The following NFX1 variants were observed in gnomAD, a reference collection of about 807,000 sequenced individuals.
NFX1 encodes transcriptional repressor NF-X1.
NFX1 carries 69 observed loss-of-function variants against 137.2 expected under a neutral mutation model. That is an observed-to-expected ratio of 0.50 (90% CI 0.41 to 0.61). The LOEUF is 0.61. NFX1 is among the 20% of genes least tolerant of loss of function. The pLI is 0.00. For missense variants in NFX1, 1,167 were observed against 1,391.0 expected, an observed-to-expected ratio of 0.84 and a Z score of 2.56; for synonymous variants, 495 against 474.1, an observed-to-expected ratio of 1.04 and a Z score of -0.57.
At chr9:33,359,980 G>A (rs1173077989) in intron 19 of NFX1, among the ~76,000 whole-genome samples, 1 of 152,154 alleles carries the variant, frequency 6.6e-6, no homozygotes, top group Non-Finnish European at 1.5e-5. Context: ...TGTGTAGAAG[G>A]TAATATGATG....
At chr9:33,367,723 C>T (rs540209370) in intron 23 of NFX1, 104 bp downstream of exon 23, 68 of 1,069,126 alleles carry the variant, frequency 6.4e-5, no homozygotes, top group South Asian at 4.5e-4. Context: ...CTCCTCAGGC[C>T]TGGCCTTGGG....
chr9:33,331,327 G>A (rs1472074104), intron 10 of NFX1, among the ~76,000 whole-genome samples: 2 of 152,160 alleles, frequency 1.3e-5, no homozygotes, highest in Non-Finnish European at 2.9e-5. Flanking sequence ...TTCAAAGGTT[G>A]TTTTCATTTC....
chr9:33,295,161 G>A lies in NFX1; in HGVS notation c.767G>A (p.Arg256Gln), dbSNP rs768041373. ...TGGGAAGTGGAGGGGGCCAGGCCAC[G>A]ACCAGGCAGAAATCCACCAAAACAG... ...PPWEVEGARP[R>Q]PGRNPPKQEG... Residue 256 changes from arginine (R) to glutamine (Q), a missense_variant, in exon 2 of 24, where the codon CGA (arginine) becomes CAA (glutamine). Physicochemically the swap from Arg to Gln is conservative, Grantham distance 43. Transcript: ENST00000379540. 75 of 1,613,936 alleles carry A rather than the reference G, an allele frequency of 4.6e-5. No individual in the cohort carries two copies. Among genetic ancestry groups the A allele is most frequent in the Non-Finnish European group, 6.1e-5 (72 of 1,180,004 alleles).
chr9:33,312,567 A>G (rs1017139698), intron 6 of NFX1, among the ~76,000 whole-genome samples: 9 of 152,356 alleles, frequency 5.9e-5, no homozygotes, highest in Middle Eastern at 3.4e-3. Context: ...CTTGAAGACA[A>G]TTGTCTAAAA....
At chr9:33,366,517 C>A in intron 21 of NFX1, 112 bp from the exon 22 acceptor site, 2 of 1,282,268 alleles carry the variant, frequency 1.6e-6, no homozygotes, top group Non-Finnish European at 2.2e-6. Flanking sequence ...ATGCTGTGGG[C>A]CTCTAAAATC....
intron 4 of NFX1, among the ~76,000 whole-genome samples, chr9:33,304,638 G>A (rs1204546252): frequency 3.9e-5 from 6 of 152,058 alleles, no homozygotes; most frequent in South Asian, 2.1e-4. Context: ...CTCTTACAAA[G>A]GAAGCTTTCC....
chr9:33,295,443 T>C lies in NFX1; in HGVS notation c.1033+16T>C, dbSNP rs763036759. ...ACGCACACAGGTAAACCTACCTAGA[T>C]AGGAAATATTTTGTTGTCTTTTTAA... On this transcript the variant is annotated intron_variant, in intron 2 of 23. Coordinates refer to ENST00000379540, the MANE Select transcript of NFX1 (RefSeq NM_002504.6). 1.9e-6 allele frequency: 3 copies of C among 1,581,732 alleles called. No homozygotes were observed. The highest frequency in any genetic ancestry group is 2.3e-5 in the East Asian group (1 of 44,406).
intron 9 of NFX1, among the ~76,000 whole-genome samples, chr9:33,326,836 G>A (rs1462849493): frequency 6.6e-6 from 1 of 152,130 alleles, no homozygotes; most frequent in Admixed American, 6.6e-5. Flanking sequence ...ATATAGATGT[G>A]ATATGTATAA....
intron 17 of NFX1, 106 bp downstream of exon 17, chr9:33,352,825 A>AAAT: frequency 1.4e-6 from 1 of 702,534 alleles, no homozygotes; most frequent in Non-Finnish European, 2.3e-6. Context: ...AGTGGAGAAG[A>AAAT]AACGAAGTCT....
At chr9:33,293,021 A>G (rs1821218500) in intron 1 of NFX1, among the ~76,000 whole-genome samples, 1 of 152,230 alleles carries the variant, frequency 6.6e-6, no homozygotes, top group Non-Finnish European at 1.5e-5. Context: ...GAAAGCTTTC[A>G]GGACAAATCC....
intron 11 of NFX1, among the ~76,000 whole-genome samples, chr9:33,333,380 C>T (rs974110403): frequency 6.6e-6 from 1 of 152,010 alleles, no homozygotes; most frequent in South Asian, 2.1e-4. Context: ...AGAACAAGTC[C>T]GAGATTGGTT....
intron 19 of NFX1, among the ~76,000 whole-genome samples, chr9:33,355,265 C>T (rs925239024): frequency 1.3e-5 from 2 of 152,160 alleles, no homozygotes; most frequent in African/African-American, 2.4e-5. Context: ...ATCAGTGAAT[C>T]GTCACTAAAT....
Position 33,364,101 on chromosome 9 carries a change from G to T in NFX1, c.2965G>T (p.Asp989Tyr), listed in dbSNP as rs1199852343. ...GSKFSDSLKE[D>Y]ARKDLKFVSD... ...AAAATTCAGTGATAGTTTGAAAGAA[G>T]ATGCCAGGTATGTAACTTGTTACCT... Residue 989 changes from aspartate (D) to tyrosine (Y), a missense_variant, in exon 20 of 24, where the codon GAT (aspartate) becomes TAT (tyrosine). By Grantham distance (160) the Asp-to-Tyr change is radical (BLOSUM62 -3). Around this residue, in one of 3 missense-constraint regions of NFX1, gnomAD observed 312 missense variants for 312.8 expected, o/e 1.00. Coordinates refer to ENST00000379540, the MANE Select transcript of NFX1 (RefSeq NM_002504.6). 6.2e-7 allele frequency: 1 copy of T among 1,602,494 alleles called. No homozygotes were observed. Among genetic ancestry groups the T allele is most frequent in the East Asian group, 2.3e-5 (1 of 44,364 alleles).
Position 33,349,102 on chromosome 9 carries a change from G to C in NFX1, c.2424+1985G>C, listed in dbSNP as rs144003788. On this transcript the variant is annotated intron_variant, in intron 15 of 23. Coordinates refer to ENST00000379540, the MANE Select transcript of NFX1 (RefSeq NM_002504.6). The stretch of plus-strand genomic sequence containing the variant: ...AGTTTATCCATTCTAAAACATCAAT[G>C]TGTTATCTTCGTACTGATGGCTTAT... Among the ~76,000 whole-genome samples, 10 of 152,190 alleles carry C rather than the reference G, an allele frequency of 6.6e-5. No individual in the cohort carries two copies. In the East Asian group the frequency reaches 1.9e-3, roughly 29 times the overall value.
intron 11 of NFX1, among the ~76,000 whole-genome samples, chr9:33,335,634 C>T (rs993291973): frequency 2.0e-5 from 3 of 152,138 alleles, no homozygotes; most frequent in Admixed American, 6.5e-5. Context: ...CCATGTTGGC[C>T]TCCCAAAGTG....
At chr9:33,298,119 A>G (rs1821423846) in intron 2 of NFX1, among the ~76,000 whole-genome samples, 1 of 152,250 alleles carries the variant, frequency 6.6e-6, no homozygotes, top group Admixed American at 6.5e-5. Flanking sequence ...AAGCACTTAG[A>G]TATTTAATAT....
At chr9:33,347,395 C>T (rs770163267) in intron 15 of NFX1, among the ~76,000 whole-genome samples, 2 of 152,092 alleles carry the variant, frequency 1.3e-5, no homozygotes, top group Non-Finnish European at 2.9e-5. Context: ...TCCTTCATGC[C>T]CCTGTATACT....
rs1434345076 is a variant in NFX1, at chr9:33,354,866, G to A, written c.2847G>A (p.Glu949=). 5.6e-6 allele frequency: 9 copies of A among 1,613,926 alleles called. No homozygotes were observed. The highest frequency in any genetic ancestry group is 1.1e-5 in the South Asian group (1 of 91,050). The change falls in exon 19 of 24, where the codon GAG becomes GAA. Residue 949 remains glutamate (E), a synonymous_variant. Coordinates refer to ENST00000379540, the MANE Select transcript of NFX1 (RefSeq NM_002504.6). ...GCTTATCAAGGCTGGAGTGTGATGA[G>A]GAGTGTTCAGCCTTGGAAAGGAAAA... ...EVHQARLECD[E]ECSALERKKR...
intron 2 of NFX1, among the ~76,000 whole-genome samples, chr9:33,296,402 C>T (rs1048440502): frequency 6.6e-6 from 1 of 152,132 alleles, no homozygotes; most frequent in African/African-American, 2.4e-5. Flanking sequence ...TTCTGTCACT[C>T]AGTTCGCTGA....
Sources: gnomAD v4.1 joint callset for allele counts (sites outside exome capture counted in the v4.1 genomes callset) on GRCh38, gnomAD v4.1.1 for gene constraint, gnomAD v4.1.1 regional missense constraint, MANE v1.5 for transcripts, NCBI Gene and HGNC (gene_info 2026-07-23, HGNC 2026-07-21) for gene names.